Variants in CEP128 observed in about 807,000 individuals in gnomAD.
CEP128 encodes the protein centrosomal protein 128kDa.
Under a neutral mutation model 156.7 loss-of-function variants are expected in CEP128, and 132 were observed. The ratio of observed to expected loss-of-function variants is 0.84; its 90% CI spans 0.73 to 0.97. The LOEUF is 0.97. Ranked by LOEUF, CEP128 falls within the 50% of genes least tolerant of loss-of-function variation. The pLI, the probability that CEP128 is intolerant of heterozygous loss-of-function variation, is 0.00. For missense variants in CEP128, 1,252 were observed against 1,281.9 expected, an observed-to-expected ratio of 0.98 and a Z score of 0.36; for synonymous variants, 469 against 448.9, an observed-to-expected ratio of 1.04 and a Z score of -0.57.
In CEP128 at chr14:80,895,102, T is replaced by C. The variant is rs60176413; in HGVS notation, c.645+616A>G. On this transcript the variant is annotated intron_variant, in intron 8 of 24. Transcript: ENST00000555265. ...TAAAAAGAAAAACAATAAAAAGAAA[T>C]GAACACTATATAGACTGTATTTTTT... Among the ~76,000 whole-genome samples, 369 of 152,086 alleles carry C rather than the reference T, an allele frequency of 2.4e-3. 2 individuals carry two copies. Among genetic ancestry groups the C allele is most frequent in the African/African-American group, 8.5e-3 (352 of 41,534 alleles).
chr14:80,843,991 A>T (rs1160125637), intron 9 of CEP128, among the ~76,000 whole-genome samples: 1 of 151,956 alleles, frequency 6.6e-6, no homozygotes, highest in Non-Finnish European at 1.5e-5. Flanking sequence ...AACATGTACT[A>T]CTCATTTATA....
At chr14:80,594,229 C>T (rs1034234003) in intron 19 of CEP128, among the ~76,000 whole-genome samples, 3 of 152,168 alleles carry the variant, frequency 2.0e-5, no homozygotes, top group African/African-American at 7.2e-5. Context: ...GGAAAGGATT[C>T]CCTATTTAAT....
chr14:80,786,012 A>G (rs1250727134), intron 14 of CEP128, among the ~76,000 whole-genome samples: 1 of 152,182 alleles, frequency 6.6e-6, no homozygotes, highest in African/African-American at 2.4e-5. Flanking sequence ...TGCAGATACA[A>G]TACAAGAAAG....
chr14:80,944,316 C>A (rs67065081), upstream of CEP128, among the ~76,000 whole-genome samples: 6 of 151,624 alleles, frequency 4.0e-5, no homozygotes, highest in South Asian at 2.1e-4. Context: ...GGGGGAGGAA[C>A]CTTGTGAGGG....
intron 23 of CEP128, among the ~76,000 whole-genome samples, chr14:80,508,549 A>G (rs951111268): frequency 2.6e-5 from 4 of 152,164 alleles, no homozygotes; most frequent in African/African-American, 9.7e-5. Context: ...AAAATTTACA[A>G]TTGATTCCAG....
chr14:80,608,599 TC>T (rs1432449215), intron 19 of CEP128, among the ~76,000 whole-genome samples: 1 of 152,180 alleles, frequency 6.6e-6, no homozygotes, highest in African/African-American at 2.4e-5. Flanking sequence ...ACCATCCCTT[TC>T]CATATTCTAA....
In CEP128 at chr14:80,785,424, T is replaced by C. The variant is rs1281776859; in HGVS notation, c.1682A>G (p.His561Arg). ...ATCACGTAATTTCTCCTCCTTGGAG[T>C]GAAGCTCCTCCTCCTGAAGGGCACG... is the stretch of plus-strand genomic sequence containing the variant. ...TKRALQEEEL[H>R]SKEEKLRDIK... is the part of the protein sequence containing the mutation. Residue 561 changes from histidine to arginine, a missense_variant, in exon 15 of 25, where the codon CAC (histidine) becomes CGC (arginine). Physicochemically the swap from His to Arg is conservative, Grantham distance 29. Transcript: ENST00000555265. 6.2e-7 allele frequency: 1 copy of C among 1,613,910 alleles called. No homozygotes were observed. Among genetic ancestry groups the C allele is most frequent in the African/African-American group, 1.3e-5 (1 of 74,920 alleles).
chr14:80,517,087 T>C (rs750158707), intron 23 of CEP128, among the ~76,000 whole-genome samples: 59 of 152,134 alleles, frequency 3.9e-4, no homozygotes, highest in Admixed American at 1.8e-3. Flanking sequence ...GCTGTAGTAA[T>C]GTTCTTCTTT....
At chr14:80,851,161 T>G (rs138696190) in intron 9 of CEP128, among the ~76,000 whole-genome samples, 273 of 152,246 alleles carry the variant, frequency 1.8e-3, no homozygotes, top group African/African-American at 6.3e-3. Flanking sequence ...CAGTGAGCTC[T>G]GTGTGATAAA....
At chr14:80,583,965 A>G (rs965509350) in intron 19 of CEP128, among the ~76,000 whole-genome samples, 1 of 152,168 alleles carries the variant, frequency 6.6e-6, no homozygotes, top group African/African-American at 2.4e-5. Context: ...TAGTTAGTAC[A>G]AAGCCACTTC....
intron 8 of CEP128, among the ~76,000 whole-genome samples, chr14:80,884,220 G>T (rs1461814116): frequency 2.6e-5 from 4 of 152,112 alleles, no homozygotes; most frequent in Non-Finnish European, 5.9e-5. Flanking sequence ...AAGCAGAAAC[G>T]GACAAATGGG....
intron 19 of CEP128, among the ~76,000 whole-genome samples, chr14:80,614,219 T>A (rs1893120368): frequency 6.6e-6 from 1 of 152,176 alleles, no homozygotes; most frequent in South Asian, 2.1e-4. Flanking sequence ...GACTTAGAAG[T>A]ATTACAGCTC....
chr14:80,825,934 C>T (rs1885449136), intron 13 of CEP128, among the ~76,000 whole-genome samples: 1 of 151,664 alleles, frequency 6.6e-6, no homozygotes, highest in East Asian at 1.9e-4. Flanking sequence ...GGTGAAACCC[C>T]GTCTCTACTA....
At chr14:80,870,172 A>G (rs1887956262) in intron 8 of CEP128, among the ~76,000 whole-genome samples, 1 of 152,084 alleles carries the variant, frequency 6.6e-6, no homozygotes, top group South Asian at 2.1e-4. Flanking sequence ...CCAAACATGT[A>G]AAGAAAAGCT....
At chr14:80,786,920 CAACA>C (rs1451437334) in intron 14 of CEP128, among the ~76,000 whole-genome samples, 1 of 151,986 alleles carries the variant, frequency 6.6e-6, no homozygotes, top group African/African-American at 2.4e-5. Context: ...CCAGCCTGGG[CAACA>C]TAGCAAGACC....
chr14:80,764,873 T>G (rs995147052), intron 16 of CEP128, among the ~76,000 whole-genome samples: 3 of 152,224 alleles, frequency 2.0e-5, no homozygotes, highest in Admixed American at 2.0e-4. Context: ...CTTTCCCCTG[T>G]TTTTTATTTG....
chr14:80,754,167 C>G (rs1340972982), intron 18 of CEP128, among the ~76,000 whole-genome samples: 1 of 152,208 alleles, frequency 6.6e-6, no homozygotes, highest in East Asian at 1.9e-4. Context: ...TGAACTTAAT[C>G]CCTCTGGAGC....
chr14:80,936,149 T>C (rs1303048333), intron 2 of CEP128, among the ~76,000 whole-genome samples: 1 of 152,190 alleles, frequency 6.6e-6, no homozygotes, highest in Non-Finnish European at 1.5e-5. Context: ...CATGAGCACA[T>C]TCGTTCACAA....
intron 19 of CEP128, among the ~76,000 whole-genome samples, chr14:80,634,299 G>A (rs1894090350): frequency 6.6e-6 from 1 of 152,188 alleles, no homozygotes; most frequent in East Asian, 1.9e-4. Flanking sequence ...AGATGAGTGA[G>A]TCTTTAATGT....
Sources: gnomAD v4.1 joint callset for allele counts (sites outside exome capture counted in the v4.1 genomes callset) on GRCh38, gnomAD v4.1.1 for gene constraint, MANE v1.5 for transcripts, NCBI Gene and HGNC (gene_info 2026-07-23, HGNC 2026-07-21) for gene names.